Variants in ZDHHC21 observed in about 807,000 individuals in gnomAD.
The protein encoded by ZDHHC21 is zDHHC palmitoyltransferase 21.
ZDHHC21 carries 15 observed loss-of-function variants against 34.6 expected under a neutral mutation model. The ratio of observed to expected loss-of-function variants is 0.43; its 90% CI spans 0.29 to 0.67. The LOEUF (loss-of-function observed/expected upper bound fraction) is 0.67, where lower values mean the gene tolerates loss of function less well. ZDHHC21 is among the 30% of genes least tolerant of loss of function. The probability of loss-of-function intolerance (pLI) is 0.14; values close to 1 mark genes in which losing one functional copy is unlikely to be tolerated. For missense variants in ZDHHC21, 344 were observed against 327.7 expected (o/e 1.05, Z -0.38); for synonymous variants, 142 against 101.8 (o/e 1.40, Z -2.38).
chr9:14,625,188 C>G (rs1826001075), intron 8 of ZDHHC21, among the ~76,000 whole-genome samples: 1 of 151,982 alleles, frequency 6.6e-6, no homozygotes, highest in African/African-American at 2.4e-5. Flanking sequence ...TGGACATGAA[C>G]AGAAATAGCA....
In ZDHHC21 at chr9:14,672,533, C is replaced by G. The variant is rs187952208; in HGVS notation, c.253+297G>C. Among the ~76,000 whole-genome samples, 675 of 152,010 alleles carry G rather than the reference C, an allele frequency of 4.4e-3. 7 individuals carry two copies. Among genetic ancestry groups the G allele is most frequent in the Middle Eastern group, 0.014 (4 of 294 alleles). On this transcript the variant is annotated intron_variant, in intron 5 of 9. Transcript: ENST00000380916. Reference sequence around the variant, plus strand: ...CACACCAACAACCAGATGTTTAACCCAGGAAGGACAATCTATGCTCCTGAC... The same window carrying G: ...CACACCAACAACCAGATGTTTAACCGAGGAAGGACAATCTATGCTCCTGAC...
intron 2 of ZDHHC21, among the ~76,000 whole-genome samples, chr9:14,681,372 A>G (rs1587444776): frequency 6.6e-6 from 1 of 152,118 alleles, no homozygotes; most frequent in Admixed American, 6.5e-5. Flanking sequence ...GCTGGGTACC[A>G]CTGCAACCTA....
In ZDHHC21 at chr9:14,617,327, A is replaced by G. The variant is rs1824389528; in HGVS notation, c.*1639T>C. ...TCGTATTTCTGAGTTTGTAAGTAAT[A>G]AAGTATTCTAATTAGAACATGAAAA... On this transcript the variant is annotated 3_prime_UTR_variant, in exon 10 of 10. Coordinates refer to ENST00000380916, the MANE Select transcript of ZDHHC21 (RefSeq NM_178566.6). 1 of 152,026 alleles carries G rather than the reference A, an allele frequency of 6.6e-6. No individual in the cohort carries two copies. Among genetic ancestry groups the G allele is most frequent in the Non-Finnish European group, 1.5e-5 (1 of 67,938 alleles). The allele number at this position is 152,026 out of a possible 1,614,324, so 9.4% of individuals were successfully genotyped here.
At chr9:14,597,878 G>A in the ZDHHC21 span, among the ~76,000 whole-genome samples, 1 of 151,976 alleles carries the variant, frequency 6.6e-6, no homozygotes, top group African/African-American at 2.4e-5. Flanking sequence ...CATCATCTGG[G>A]TACCTGAGAA....
Position 14,664,728 on chromosome 9 carries a change from G to C in ZDHHC21, c.254-2402C>G, listed in dbSNP as rs532105227. Among the ~76,000 whole-genome samples, 257 of 152,170 alleles carry C rather than the reference G, an allele frequency of 1.7e-3. 1 individual carries two copies. Among genetic ancestry groups the C allele is most frequent in the African/African-American group, 6.0e-3 (247 of 41,512 alleles). ...CAGCCTAACTGGGAGGCACCCCCCA[G>C]CAGGGGCACACTGACATCTCACACA... On this transcript the variant is annotated intron_variant, in intron 5 of 9. Coordinates refer to ENST00000380916, the MANE Select transcript of ZDHHC21 (RefSeq NM_178566.6).
At chr9:14,631,752 C>G (rs1827385589) in intron 8 of ZDHHC21, among the ~76,000 whole-genome samples, 1 of 152,004 alleles carries the variant, frequency 6.6e-6, no homozygotes, top group Non-Finnish European at 1.5e-5. Flanking sequence ...TAGCAAGGCC[C>G]AAAGAAGAGA....
chr9:14,672,825 C>T lies in ZDHHC21; in HGVS notation c.253+5G>A. ...AGCAAAACTGATAAATCCAGAGTAC[C>T]ATACCTCCATGTGGGATCTTGGGGT... On this transcript the variant is annotated splice_donor_5th_base_variant and intron_variant, in intron 5 of 9. Transcript: ENST00000380916. 6.3e-7 allele frequency: 1 copy of T among 1,598,256 alleles called. No homozygotes were observed. Among genetic ancestry groups the T allele is most frequent in the Non-Finnish European group, 8.6e-7 (1 of 1,169,220 alleles).
In ZDHHC21 at chr9:14,614,341, C is replaced by G. The variant is rs1343430872; in HGVS notation, c.*4625G>C. 6.6e-6 allele frequency: 1 copy of G among 151,668 alleles called. No homozygotes were observed. The highest frequency in any genetic ancestry group is 1.5e-5 in the Non-Finnish European group (1 of 67,718). The allele number at this position is 151,668 out of a possible 1,614,324, so 9.4% of individuals were successfully genotyped here. ...CATTGTTATTTCTGTTTCAAATTAGCAGGCAGTATTGTAACATCTGAAGAA... is the reference window on the plus strand; with the variant it reads ...CATTGTTATTTCTGTTTCAAATTAGGAGGCAGTATTGTAACATCTGAAGAA... On this transcript the variant is annotated 3_prime_UTR_variant, in exon 10 of 10. Coordinates refer to ENST00000380916, the MANE Select transcript of ZDHHC21 (RefSeq NM_178566.6).
chr9:14,612,022 C>G lies in ZDHHC21; in HGVS notation c.*6944G>C, dbSNP rs755611112. The G allele has an allele frequency of 1.3e-5, 2 of 151,884 alleles. No individual in the cohort carries two copies. Among genetic ancestry groups the G allele is most frequent in the Non-Finnish European group, 2.9e-5 (2 of 67,910 alleles). 9.4% of individuals were successfully genotyped at this position (151,884 alleles called of 1,614,324 possible). On this transcript the variant is annotated 3_prime_UTR_variant, in exon 10 of 10. Transcript: ENST00000380916. ...GCATTTAAATCACGCATAAACAAGC[C>G]AAATTACTCAGAATCAATACAGTGG...
intron 6 of ZDHHC21, 22 bp from the exon 7 acceptor site, chr9:14,658,909 GAAAC>G (rs774481250): frequency 6.3e-6 from 10 of 1,590,590 alleles, no homozygotes; most frequent in Non-Finnish European, 8.5e-6. Context: ...AAATGAAAAA[GAAAC>G]AATATTTTAA....
At chr9:14,636,679 T>C (rs10810195) in intron 8 of ZDHHC21, among the ~76,000 whole-genome samples, 85,519 of 151,866 alleles carry the variant, frequency 0.56, 24,883 homozygotes, top group African/African-American at 0.71. Flanking sequence ...TCAAGAAACA[T>C]GAAAAAAATC....
Position 14,616,998 on chromosome 9 carries a change from A to G in ZDHHC21, c.*1968T>C, listed in dbSNP as rs750668460. The stretch of plus-strand genomic sequence containing the variant: ...CTACATGAAGTATAAATTAGCCACA[A>G]AGTTCTTTAGGTGATCTTCACTTGG... On this transcript the variant is annotated 3_prime_UTR_variant, in exon 10 of 10. Coordinates refer to ENST00000380916, the MANE Select transcript of ZDHHC21 (RefSeq NM_178566.6). 1 of 151,982 alleles carries G rather than the reference A, an allele frequency of 6.6e-6. No individual in the cohort carries two copies. The highest frequency in any genetic ancestry group is 1.9e-4 in the East Asian group (1 of 5,152). 9.4% of individuals were successfully genotyped at this position (151,982 alleles called of 1,614,324 possible). A position where few individuals can be genotyped will look rare whatever the true frequency, so the allele number is the denominator to read the frequency against.
At chr9:14,654,923 A>C (rs920912582) in intron 7 of ZDHHC21, among the ~76,000 whole-genome samples, 4 of 152,078 alleles carry the variant, frequency 2.6e-5, no homozygotes, top group Non-Finnish European at 5.9e-5. Context: ...AGGAGAAAAA[A>C]TTGAGCAGAG....
chr9:14,660,490 C>T (rs1288266779), intron 6 of ZDHHC21, among the ~76,000 whole-genome samples: 1 of 150,526 alleles, frequency 6.6e-6, no homozygotes, highest in East Asian at 2.0e-4. Context: ...AGTGCAATTT[C>T]TGAAAACATC....
chr9:14,635,903 A>C (rs902921590), intron 8 of ZDHHC21, among the ~76,000 whole-genome samples: 1 of 152,168 alleles, frequency 6.6e-6, no homozygotes, highest in Non-Finnish European at 1.5e-5. Flanking sequence ...CTGGCAGAGC[A>C]AACACACAAA....
chr9:14,607,574 C>G (rs576752135), downstream of ZDHHC21, among the ~76,000 whole-genome samples: 4 of 144,488 alleles, frequency 2.8e-5, no homozygotes, highest in South Asian at 8.6e-4. Flanking sequence ...ATTTTGGTAA[C>G]GGCAATTTTT....
At chr9:14,677,967 A>T (rs1386496003) in intron 3 of ZDHHC21, among the ~76,000 whole-genome samples, 1 of 152,086 alleles carries the variant, frequency 6.6e-6, no homozygotes, top group African/African-American at 2.4e-5. Flanking sequence ...ATCTATCCGA[A>T]CACGTATGTC....
chr9:14,670,405 T>C (rs571046688), intron 5 of ZDHHC21, among the ~76,000 whole-genome samples: 2 of 152,138 alleles, frequency 1.3e-5, no homozygotes, highest in African/African-American at 4.8e-5. Flanking sequence ...TTTTAAATTA[T>C]TGAAAATAAC....
At chr9:14,591,938 T>A in the ZDHHC21 span, among the ~76,000 whole-genome samples, 93 of 152,278 alleles carry the variant, frequency 6.1e-4, no homozygotes, top group African/African-American at 2.1e-3. Context: ...AACCTATTTA[T>A]GTCTGAATCT....
Sources: allele counts gnomAD v4.1 joint callset (sites outside exome capture counted in the v4.1 genomes callset), GRCh38; gene constraint gnomAD v4.1.1; transcripts MANE v1.5; gene names NCBI Gene and HGNC (gene_info 2026-07-23, HGNC 2026-07-21).